The following SYT16 variants were observed in gnomAD, a reference collection of about 807,000 sequenced individuals.
SYT16 encodes synaptotagmin 16, also known as synaptotagmin-16.
In SYT16, 42 loss-of-function variants were observed where a neutral mutation model predicts 61.4. That is an observed-to-expected ratio of 0.68 (90% confidence interval 0.53 to 0.89). The LOEUF (loss-of-function observed/expected upper bound fraction) is 0.89. Among genes scored for constraint, SYT16 ranks in the 40% least tolerant of loss-of-function variants. SYT16 has a pLI of 0.00. For synonymous variants in SYT16, 314 were observed against 302.3 expected (o/e 1.04, Z -0.40); for missense variants, 804 against 807.3 (o/e 1.00, Z 0.05).
intron 2 of SYT16, among the ~76,000 whole-genome samples, chr14:61,972,395 G>A (rs1222328993): frequency 4.6e-5 from 7 of 152,124 alleles, no homozygotes; most frequent in Non-Finnish European, 1.0e-4. Flanking sequence ...ATAAGTTGAG[G>A]TTTTAAGAAT....
At chr14:61,922,723 T>C (rs1386257255) in intron 1 of SYT16, among the ~76,000 whole-genome samples, 1 of 152,132 alleles carries the variant, frequency 6.6e-6, no homozygotes. Context: ...TAAATTTGCA[T>C]GGGTAGCAAT....
chr14:62,006,186 GT>G (rs34270685), intron 3 of SYT16, among the ~76,000 whole-genome samples: 61,957 of 151,830 alleles, frequency 0.41, 13,157 homozygotes, highest in East Asian at 0.75. Flanking sequence ...GCTGTTTTTT[GT>G]TTTGTTTTGT....
chr14:62,028,441 C>G (rs1313934980), intron 3 of SYT16, among the ~76,000 whole-genome samples: 1 of 152,118 alleles, frequency 6.6e-6, no homozygotes, highest in Non-Finnish European at 1.5e-5. Context: ...TTAAACTTAC[C>G]AGGGTCACAC....
At chr14:61,939,125 A>C (rs1051329658) in intron 1 of SYT16, among the ~76,000 whole-genome samples, 3 of 152,204 alleles carry the variant, frequency 2.0e-5, no homozygotes. Flanking sequence ...ACAGAGTGAG[A>C]CTTGGTCTCA....
rs763646374 is a variant in SYT16, at chr14:62,075,295, A to C, written c.897A>C (p.Gln299His). Reference protein sequence around the residue: ...ESSVVQSLRRQSTEGSLEMET... With the variant: ...ESSVVQSLRRHSTEGSLEMET... ...GTGTGGTCCAAAGCCTCAGGCGCCA[A>C]TCCACAGAGGGCAGCTTGGAGATGG... Residue 299 changes from glutamine to histidine, a missense_variant, in exon 5 of 8, where the codon CAA becomes CAC. Gln to His is a conservative substitution (Grantham distance 24). Transcript: ENST00000683842. 6.8e-6 allele frequency: 11 copies of C among 1,613,894 alleles called. No homozygotes were observed. In the South Asian group the frequency reaches 1.2e-4, roughly 18 times the overall value.
At chr14:61,964,833 A>G (rs1316159540) in intron 1 of SYT16, among the ~76,000 whole-genome samples, 1 of 152,030 alleles carries the variant, frequency 6.6e-6, no homozygotes, top group Non-Finnish European at 1.5e-5. Context: ...TTCAACAGCC[A>G]TAACATTGAG....
chr14:61,834,679 T>G (rs559706463), intron 1 of SYT16, among the ~76,000 whole-genome samples: 24 of 152,190 alleles, frequency 1.6e-4, no homozygotes, highest in African/African-American at 5.5e-4. Context: ...TCAGGTGATC[T>G]GCTTTCCTTG....
At chr14:61,977,861 A>T (rs1417474535) in intron 2 of SYT16, among the ~76,000 whole-genome samples, 4 of 152,232 alleles carry the variant, frequency 2.6e-5, no homozygotes, top group African/African-American at 9.6e-5. Flanking sequence ...TTAAAACAAC[A>T]TAAATTATTT....
intron 3 of SYT16, among the ~76,000 whole-genome samples, chr14:62,019,256 C>T (rs1217242440): frequency 3.9e-5 from 6 of 152,166 alleles, no homozygotes; most frequent in Admixed American, 3.3e-4. Flanking sequence ...AATTAGAATG[C>T]GCCTTTCTCT....
At chr14:62,085,226 G>T (rs575411268) in intron 7 of SYT16, among the ~76,000 whole-genome samples, 1 of 152,220 alleles carries the variant, frequency 6.6e-6, no homozygotes, top group Non-Finnish European at 1.5e-5. Flanking sequence ...TTATGATCTT[G>T]TTTTGCAGCA....
chr14:61,881,560 A>C (rs111875904), intron 1 of SYT16, among the ~76,000 whole-genome samples: 2,244 of 152,190 alleles, frequency 0.015, 23 homozygotes, highest in Middle Eastern at 0.034. Flanking sequence ...TCATGGCTTC[A>C]ATTTTTTGCA....
intron 1 of SYT16, among the ~76,000 whole-genome samples, chr14:61,840,885 A>G (rs933493179): frequency 3.9e-5 from 6 of 152,232 alleles, no homozygotes; most frequent in Middle Eastern, 3.2e-3. Flanking sequence ...TTATTTTAGA[A>G]GAGAAGACTT....
intron 2 of SYT16, among the ~76,000 whole-genome samples, chr14:61,979,743 G>T (rs561327431): frequency 6.6e-6 from 1 of 152,114 alleles, no homozygotes; most frequent in African/African-American, 2.4e-5. Flanking sequence ...TTAGCTGGAC[G>T]TGGTGGCGTG....
intron 1 of SYT16, among the ~76,000 whole-genome samples, chr14:61,948,470 C>G (rs2050537131): frequency 6.6e-6 from 1 of 151,442 alleles, no homozygotes. Flanking sequence ...AAACTGGAGG[C>G]TTTCACGGCA....
chr14:61,974,130 G>A (rs1451547735), intron 2 of SYT16, among the ~76,000 whole-genome samples: 2 of 152,176 alleles, frequency 1.3e-5, no homozygotes, highest in East Asian at 1.9e-4. Flanking sequence ...CGCTGCTACA[G>A]TTCCTCCAGT....
chr14:62,096,210 C>G (rs1383902448), intron 7 of SYT16, among the ~76,000 whole-genome samples: 1 of 151,988 alleles, frequency 6.6e-6, no homozygotes, highest in Non-Finnish European at 1.5e-5. Flanking sequence ...ACCAATAAAC[C>G]TGACTCCACA....
intron 3 of SYT16, among the ~76,000 whole-genome samples, chr14:62,043,591 TAGAGAC>T (rs2054834569): frequency 1.3e-5 from 2 of 151,932 alleles, no homozygotes; most frequent in Admixed American, 6.6e-5. Context: ...GTGTTTTTGG[TAGAGAC>T]AGGGTTTCAC....
intron 1 of SYT16, among the ~76,000 whole-genome samples, chr14:61,926,791 A>AC (rs71449569): frequency 6.6e-6 from 1 of 151,644 alleles, no homozygotes; most frequent in African/African-American, 2.4e-5. Context: ...CCTCCCCCTC[A>AC]CCCCCCACCC....
chr14:61,993,964 G>C (rs765040056), intron 2 of SYT16, among the ~76,000 whole-genome samples: 14 of 152,146 alleles, frequency 9.2e-5, no homozygotes, highest in Non-Finnish European at 1.9e-4. Context: ...CTCCATTCTA[G>C]AGCAGGAGAC....
Sources: gnomAD v4.1 joint callset for allele counts (sites outside exome capture counted in the v4.1 genomes callset) on GRCh38, gnomAD v4.1.1 for gene constraint, MANE v1.5 for transcripts, NCBI Gene and HGNC (gene_info 2026-07-23, HGNC 2026-07-21) for gene names.